The following SRSF11 variants were observed in gnomAD, a reference collection of about 807,000 sequenced individuals.
The protein encoded by SRSF11 is serine and arginine rich splicing factor 11, also known as serine/arginine-rich splicing factor 11.
SRSF11 carries 9 observed loss-of-function variants against 56.0 expected under a neutral mutation model. The observed-to-expected ratio is 0.16, with a 90% CI of 0.10 to 0.28. SRSF11 has a LOEUF of 0.28. SRSF11 is among the 10% of genes least tolerant of loss of function. SRSF11 has a pLI of 1.00. For synonymous variants in SRSF11, 222 were observed against 215.3 expected (o/e 1.03, Z -0.27); for missense variants, 421 against 600.7 (o/e 0.70, Z 3.13).
In SRSF11 at chr1:70,250,484, A is replaced by G. The variant is rs750340027; in HGVS notation, c.1238A>G (p.Glu413Gly). Residue 413 changes from glutamate to glycine, a missense_variant, in exon 11 of 12, where the codon GAG becomes GGG. Glu to Gly is a moderately conservative substitution (Grantham distance 98). Coordinates refer to ENST00000370949, the MANE Select transcript of SRSF11 (RefSeq NM_001350605.2). Reference protein sequence around the residue: ...DKEKDRERKSESDKDVKQVTR... With the variant: ...DKEKDRERKSGSDKDVKQVTR... ...GAAAAGGACCGGGAAAGAAAATCAG[A>G]GAGTGATAAAGATGTAAAAGTATGT... 2 of 1,605,172 alleles carry G rather than the reference A, an allele frequency of 1.2e-6. No individual in the cohort carries two copies. Among genetic ancestry groups the G allele is most frequent in the East Asian group, 2.2e-5 (1 of 44,774 alleles).
intron 2 of SRSF11, chr1:70,230,040 G>T (rs1672554495): frequency 5.1e-6 from 5 of 985,156 alleles, no homozygotes; most frequent in Non-Finnish European, 6.0e-6. Context: ...TTGGAACAAG[G>T]GTCAAATCAT....
chr1:70,238,322 A>G (rs1674569210), intron 6 of SRSF11, among the ~76,000 whole-genome samples: 2 of 152,226 alleles, frequency 1.3e-5, no homozygotes, highest in Admixed American at 1.3e-4. Flanking sequence ...TGCTGTTTAT[A>G]TTGAAAATAT....
At chr1:70,241,941 G>A (rs553357256) in intron 7 of SRSF11, among the ~76,000 whole-genome samples, 8 of 152,126 alleles carry the variant, frequency 5.3e-5, no homozygotes, top group Admixed American at 2.6e-4. Flanking sequence ...AGGCCGAGGC[G>A]GAGGATCACA....
chr1:70,222,276 T>C (rs943443203), intron 1 of SRSF11, among the ~76,000 whole-genome samples: 4 of 152,250 alleles, frequency 2.6e-5, no homozygotes, highest in African/African-American at 9.6e-5. Flanking sequence ...GTTCACTTAT[T>C]GTTATTGCTG....
At chr1:70,233,745 A>G (rs954702409) in intron 3 of SRSF11, among the ~76,000 whole-genome samples, 21 of 152,368 alleles carry the variant, frequency 1.4e-4, no homozygotes, top group Admixed American at 5.9e-4. Context: ...GGCTGTTTCA[A>G]AAGCTACAGA....
At chr1:70,216,616 T>C (rs1437104659), upstream of SRSF11, among the ~76,000 whole-genome samples, 3 of 152,004 alleles carry the variant, frequency 2.0e-5, no homozygotes, top group African/African-American at 7.2e-5. Flanking sequence ...GTATTTTTTG[T>C]AGAGATGGGG....
At chr1:70,232,128 A>G in intron 2 of SRSF11, 140 bp from the exon 3 acceptor site, 4 of 1,552,980 alleles carry the variant, frequency 2.6e-6, no homozygotes, top group Non-Finnish European at 3.5e-6. Context: ...ATAATCATAG[A>G]AATCAAGCTT....
At chr1:70,249,258 G>A (rs1265590948) in intron 9 of SRSF11, 1 of 152,056 alleles carries the variant, frequency 6.6e-6, no homozygotes, top group Admixed American at 6.6e-5. Flanking sequence ...TATTTTATTA[G>A]TAACTACCTT....
intron 8 of SRSF11, 189 bp from the exon 9 acceptor site, chr1:70,246,629 T>C (rs1676829576): frequency 7.0e-6 from 3 of 429,936 alleles, no homozygotes; most frequent in African/African-American, 6.2e-5. Flanking sequence ...GATAATAGGA[T>C]TTTAAAAGAA....
chr1:70,242,338 T>C (rs892474153), intron 7 of SRSF11, among the ~76,000 whole-genome samples: 4 of 151,838 alleles, frequency 2.6e-5, no homozygotes, highest in Admixed American at 1.3e-4. Context: ...TGTTGTGGGT[T>C]GTGGTAACCC....
At chr1:70,246,146 T>A (rs181246637) in intron 8 of SRSF11, among the ~76,000 whole-genome samples, 1 of 152,150 alleles carries the variant, frequency 6.6e-6, no homozygotes, top group Non-Finnish European at 1.5e-5. Flanking sequence ...GGGGTTGTTA[T>A]GAGACTTCTC....
intron 1 of SRSF11, among the ~76,000 whole-genome samples, chr1:70,207,646 C>T: frequency 6.6e-6 from 1 of 151,914 alleles, no homozygotes; most frequent in East Asian, 1.9e-4. Flanking sequence ...AAACAACCCA[C>T]CTTTGGAGAA....
intron 1 of SRSF11, among the ~76,000 whole-genome samples, chr1:70,212,503 C>T (rs963088810): frequency 6.6e-6 from 1 of 152,118 alleles, no homozygotes; most frequent in Non-Finnish European, 1.5e-5. Flanking sequence ...GTGATCCACC[C>T]ACCTTGGCCT....
intron 9 of SRSF11, among the ~76,000 whole-genome samples, chr1:70,247,506 A>C (rs1677028191): frequency 6.6e-6 from 1 of 152,088 alleles, no homozygotes; most frequent in Non-Finnish European, 1.5e-5. Flanking sequence ...TTTATTCATC[A>C]ACATTACTTA....
intron 9 of SRSF11, chr1:70,249,339 T>G (rs966379329): frequency 6.6e-6 from 1 of 152,252 alleles, no homozygotes; most frequent in African/African-American, 2.4e-5. Context: ...ACTAACTTCT[T>G]CAGTAATAGT....
chr1:70,252,946 C>A lies in SRSF11; in HGVS notation c.*2141C>A, dbSNP rs578045139. On this transcript the variant is annotated 3_prime_UTR_variant, in exon 12 of 12. Transcript: ENST00000370949. Reference sequence around the variant, plus strand: ...GGTAGTGTTGCACTGGGACACAAGCCTTTTAACAGATAACCAGTTGAAATC... The same window carrying A: ...GGTAGTGTTGCACTGGGACACAAGCATTTTAACAGATAACCAGTTGAAATC... 6.6e-6 allele frequency: 1 copy of A among 152,164 alleles called. No individual in the cohort carries two copies. Among genetic ancestry groups the A allele is most frequent in the East Asian group, 1.9e-4 (1 of 5,200 alleles). 9.4% of individuals were successfully genotyped at this position (152,164 alleles called of 1,614,324 possible).
At chr1:70,229,270 A>G (rs950790088) in intron 2 of SRSF11, 3 of 1,289,178 alleles carry the variant, frequency 2.3e-6, no homozygotes, top group African/African-American at 1.5e-5. Context: ...CTCTGCAGCT[A>G]CAGGGGATTC....
chr1:70,222,423 A>G (rs1373630598), intron 1 of SRSF11, among the ~76,000 whole-genome samples: 1 of 152,218 alleles, frequency 6.6e-6, no homozygotes, highest in African/African-American at 2.4e-5. Flanking sequence ...CCTTTGTTTG[A>G]ATAATATACA....
At chr1:70,241,576 C>T (rs1481946883) in intron 7 of SRSF11, among the ~76,000 whole-genome samples, 3 of 152,186 alleles carry the variant, frequency 2.0e-5, no homozygotes, top group African/African-American at 4.8e-5. Context: ...CTTTACTATT[C>T]CGTCTGGTTT....
Sources: gnomAD v4.1 joint callset for allele counts (sites outside exome capture counted in the v4.1 genomes callset) on GRCh38, gnomAD v4.1.1 for gene constraint, MANE v1.5 for transcripts, NCBI Gene and HGNC (gene_info 2026-07-23, HGNC 2026-07-21) for gene names.